GALNT8: variants seen among roughly 807,000 people sequenced by gnomAD.
GALNT8 encodes polypeptide N-acetylgalactosaminyltransferase 8.
GALNT8 carries 66 observed loss-of-function variants against 62.7 expected under a neutral mutation model. The observed-to-expected ratio is 1.05, with a 90% CI of 0.86 to 1.29. The LOEUF (loss-of-function observed/expected upper bound fraction) is 1.29. Ranked by LOEUF, GALNT8 falls within the 50% of genes most tolerant of loss-of-function variation. The pLI is 0.00. For missense variants in GALNT8, 771 were observed against 791.8 expected, an observed-to-expected ratio of 0.97 and a Z score of 0.32; for synonymous variants, 288 against 294.3, an observed-to-expected ratio of 0.98 and a Z score of 0.22.
intron 2 of GALNT8, among the ~76,000 whole-genome samples, chr12:4,729,635 G>A (rs1469788135): frequency 6.6e-6 from 1 of 152,036 alleles, no homozygotes; most frequent in Non-Finnish European, 1.5e-5. Context: ...TGGCTGAATA[G>A]TATTCCATCT....
intron 10 of GALNT8, among the ~76,000 whole-genome samples, chr12:4,772,243 G>A (rs1271721789): frequency 6.6e-6 from 1 of 152,240 alleles, no homozygotes; most frequent in Non-Finnish European, 1.5e-5. Flanking sequence ...CGCCTGGTTA[G>A]TCAGTTTGCC....
intron 2 of GALNT8, among the ~76,000 whole-genome samples, chr12:4,734,126 T>C (rs897439865): frequency 8.5e-5 from 13 of 152,224 alleles, no homozygotes. Context: ...AATACTATGA[T>C]GTGAGGATTA....
At chr12:4,747,502 T>G (rs1946305165) in intron 6 of GALNT8, among the ~76,000 whole-genome samples, 1 of 152,236 alleles carries the variant, frequency 6.6e-6, no homozygotes, top group African/African-American at 2.4e-5. Flanking sequence ...CTTATTTCAC[T>G]TAACATAATG....
intron 2 of GALNT8, among the ~76,000 whole-genome samples, chr12:4,727,879 C>T (rs925914491): frequency 1.3e-5 from 2 of 151,972 alleles, no homozygotes; most frequent in African/African-American, 4.8e-5. Flanking sequence ...GTAGGTGTAC[C>T]CGATGGGTAG....
At chr12:4,730,866 CT>C (rs1163742469) in intron 2 of GALNT8, among the ~76,000 whole-genome samples, 115 of 137,254 alleles carry the variant, frequency 8.4e-4, no homozygotes, top group East Asian at 3.0e-3. Flanking sequence ...TTTTTCTTTT[CT>C]TTTTTTTTTT....
intron 6 of GALNT8, among the ~76,000 whole-genome samples, chr12:4,746,585 C>G (rs1407100378): frequency 6.6e-6 from 1 of 152,120 alleles, no homozygotes; most frequent in Non-Finnish European, 1.5e-5. Flanking sequence ...AGACAATTCT[C>G]TAGAAGGCCA....
chr12:4,746,282 A>T, intron 6 of GALNT8, 24 bp downstream of exon 6: 1 of 1,272,512 alleles, frequency 7.9e-7, no homozygotes, highest in Non-Finnish European at 1.2e-6. Flanking sequence ...CCTTTTCTTT[A>T]TGGGACAAAG....
chr12:4,740,928 A>G (rs1174889288), intron 3 of GALNT8, among the ~76,000 whole-genome samples: 2 of 152,236 alleles, frequency 1.3e-5, no homozygotes, highest in Non-Finnish European at 2.9e-5. Context: ...GTTATAATAC[A>G]TGAATTATGT....
chr12:4,747,133 G>C (rs961595955), intron 6 of GALNT8, among the ~76,000 whole-genome samples: 1 of 152,136 alleles, frequency 6.6e-6, no homozygotes, highest in African/African-American at 2.4e-5. Flanking sequence ...GTGATGTTTT[G>C]ATATAGGCAT....
chr12:4,723,587 A>G (rs796853035), intron 1 of GALNT8, among the ~76,000 whole-genome samples: 3 of 152,148 alleles, frequency 2.0e-5, no homozygotes, highest in East Asian at 3.9e-4. Flanking sequence ...AGCCAGCCAG[A>G]GCCATCTGGT....
At chr12:4,720,912 A>C in intron 1 of GALNT8, 24 bp downstream of exon 1, 3 of 1,422,066 alleles carry the variant, frequency 2.1e-6, no homozygotes, top group Non-Finnish European at 3.0e-6. Flanking sequence ...GCTAACCTGG[A>C]AGGTGTGTGT....
At chr12:4,745,755 G>C in intron 5 of GALNT8, 129 bp downstream of exon 5, 28 of 684,290 alleles carry the variant, frequency 4.1e-5, no homozygotes, top group Non-Finnish European at 5.7e-5. Context: ...TGAGGTGAAG[G>C]ACAAGGGATA....
At chr12:4,767,239 C>T (rs1946404230) in intron 10 of GALNT8, among the ~76,000 whole-genome samples, 1 of 152,122 alleles carries the variant, frequency 6.6e-6, no homozygotes, top group Admixed American at 6.5e-5. Flanking sequence ...GCTTTTGTAG[C>T]CCTGGTCTCA....
chr12:4,727,864 T>C (rs1946203483), intron 2 of GALNT8, among the ~76,000 whole-genome samples: 1 of 152,176 alleles, frequency 6.6e-6, no homozygotes, highest in Non-Finnish European at 1.5e-5. Context: ...ATGTCTTCTT[T>C]TCTTGTAGGT....
Position 4,739,259 on chromosome 12 carries a change from C to T in GALNT8, c.606C>T (p.Thr202=), listed in dbSNP as rs747122249. The change falls in exon 3 of 11, where the codon ACC becomes ACT. Residue 202 remains threonine, a synonymous_variant. Transcript: ENST00000252318. Reference sequence around the variant, plus strand: ...TGTCCATTATACAACGGGCCATCACCAGTATCATCAACCGGACGCCCTCTC... The same window carrying T: ...TGTCCATTATACAACGGGCCATCACTAGTATCATCAACCGGACGCCCTCTC... ...EALSIIQRAI[T]SIINRTPSRL... is the part of the protein sequence containing the mutation. 5.6e-6 allele frequency: 9 copies of T among 1,613,364 alleles called. No individual in the cohort carries two copies. In the Admixed American group the frequency reaches 1.5e-4, roughly 27 times the overall value.
At chr12:4,730,868 T>C (rs75908839) in intron 2 of GALNT8, among the ~76,000 whole-genome samples, 1 of 147,704 alleles carries the variant, frequency 6.8e-6, no homozygotes, top group African/African-American at 2.5e-5. Context: ...TTTCTTTTCT[T>C]TTTTTTTTTT....
At chr12:4,748,818 TTAA>T (rs1946311299) in intron 6 of GALNT8, among the ~76,000 whole-genome samples, 1 of 152,166 alleles carries the variant, frequency 6.6e-6, no homozygotes, top group Non-Finnish European at 1.5e-5. Flanking sequence ...TATGGACATT[TTAA>T]TAATATTGAT....
chr12:4,770,499 G>A (rs1011534211), intron 10 of GALNT8, among the ~76,000 whole-genome samples: 8 of 151,728 alleles, frequency 5.3e-5, no homozygotes, highest in Non-Finnish European at 1.2e-4. Context: ...ATAAATTATT[G>A]GTCACAATAA....
At chr12:4,744,933 G>C (rs1334963054) in intron 4 of GALNT8, among the ~76,000 whole-genome samples, 1 of 152,168 alleles carries the variant, frequency 6.6e-6, no homozygotes, top group Non-Finnish European at 1.5e-5. Context: ...AATACTTTGT[G>C]AATTTGAGTA....
Sources: allele counts gnomAD v4.1 joint callset (sites outside exome capture counted in the v4.1 genomes callset), GRCh38; gene constraint gnomAD v4.1.1; transcripts MANE v1.5; gene names NCBI Gene and HGNC (gene_info 2026-07-23, HGNC 2026-07-21).